Variants in ALCAM observed in about 807,000 individuals in gnomAD.
ALCAM encodes CD166 antigen.
Under a neutral mutation model 70.9 loss-of-function variants are expected in ALCAM, and 30 were observed. That is an observed-to-expected ratio of 0.42 (90% CI 0.32 to 0.57). ALCAM has a LOEUF of 0.57. Ranked by LOEUF, ALCAM falls within the 20% of genes least tolerant of loss-of-function variation. ALCAM has a pLI of 0.11. For missense variants in ALCAM, 591 were observed against 695.1 expected, an observed-to-expected ratio of 0.85 and a Z score of 1.68; for synonymous variants, 249 against 242.5, an observed-to-expected ratio of 1.03 and a Z score of -0.25.
At chr3:105,401,279 T>C (rs1205919584) in intron 1 of ALCAM, among the ~76,000 whole-genome samples, 4 of 152,222 alleles carry the variant, frequency 2.6e-5, no homozygotes, top group Admixed American at 2.0e-4. Flanking sequence ...GTCTCTGTAA[T>C]TTACGTCTAG....
intron 7 of ALCAM, among the ~76,000 whole-genome samples, chr3:105,540,672 C>A (rs1940094562): frequency 1.3e-5 from 2 of 151,974 alleles, no homozygotes. Context: ...TCATAAGGAT[C>A]TGGAAGCAGA....
intron 8 of ALCAM, among the ~76,000 whole-genome samples, chr3:105,544,125 GAC>G (rs1428780064): frequency 6.6e-6 from 1 of 151,608 alleles, no homozygotes; most frequent in African/African-American, 2.4e-5. Flanking sequence ...GTAGAACAAA[GAC>G]ACAACTCCTA....
At chr3:105,555,826 A>G (rs1940502642) in intron 14 of ALCAM, among the ~76,000 whole-genome samples, 1 of 151,966 alleles carries the variant, frequency 6.6e-6, no homozygotes, top group Non-Finnish European at 1.5e-5. Context: ...ATATTCATTT[A>G]GGAGTAAGGA....
intron 1 of ALCAM, among the ~76,000 whole-genome samples, chr3:105,423,125 T>C (rs1287588590): frequency 6.6e-6 from 1 of 151,422 alleles, no homozygotes; most frequent in African/African-American, 2.4e-5. Context: ...ATGTAGATGG[T>C]GAATCAAAGT....
At chr3:105,482,845 T>A (rs994548745) in intron 1 of ALCAM, among the ~76,000 whole-genome samples, 1 of 152,058 alleles carries the variant, frequency 6.6e-6, no homozygotes, top group African/African-American at 2.4e-5. Flanking sequence ...TCTCTGTGAG[T>A]CACTAATTTT....
At chr3:105,428,808 CAAG>C (rs1158336416) in intron 1 of ALCAM, among the ~76,000 whole-genome samples, 1 of 151,830 alleles carries the variant, frequency 6.6e-6, no homozygotes, top group Non-Finnish European at 1.5e-5. Context: ...TGAGGACATG[CAAG>C]AAAAACAATG....
chr3:105,520,818 A>T (rs1191403839), intron 2 of ALCAM, among the ~76,000 whole-genome samples: 1 of 152,172 alleles, frequency 6.6e-6, no homozygotes, highest in Admixed American at 6.5e-5. Context: ...TCTCAATTTA[A>T]TTAATCAATA....
intron 1 of ALCAM, among the ~76,000 whole-genome samples, chr3:105,518,540 A>C (rs1939441475): frequency 6.6e-6 from 1 of 152,048 alleles, no homozygotes; most frequent in African/African-American, 2.4e-5. Flanking sequence ...CCACCTGTCT[A>C]AAGCTCCTTT....
intron 2 of ALCAM, among the ~76,000 whole-genome samples, chr3:105,523,288 G>T (rs1445574008): frequency 1.3e-5 from 2 of 151,600 alleles, no homozygotes; most frequent in Non-Finnish European, 2.9e-5. Flanking sequence ...ATGAAGGAAT[G>T]ACTTAAGAAG....
At chr3:105,413,070 C>G (rs9826369) in intron 1 of ALCAM, among the ~76,000 whole-genome samples, 12,349 of 152,084 alleles carry the variant, frequency 0.081, 624 homozygotes, top group Non-Finnish European at 0.12. Context: ...CAGGTAGACC[C>G]AGTTCTAAAC....
At chr3:105,529,274 T>A (rs1939780639) in intron 3 of ALCAM, among the ~76,000 whole-genome samples, 1 of 152,216 alleles carries the variant, frequency 6.6e-6, no homozygotes, top group Non-Finnish European at 1.5e-5. Flanking sequence ...TCATTGCCCT[T>A]GACTAAATTA....
At chr3:105,494,397 T>G (rs1227174939) in intron 1 of ALCAM, among the ~76,000 whole-genome samples, 1 of 152,114 alleles carries the variant, frequency 6.6e-6, no homozygotes, top group African/African-American at 2.4e-5. Flanking sequence ...AATGAATCTT[T>G]TGTTTTATAA....
At chr3:105,497,178 T>C (rs1938769254) in intron 1 of ALCAM, among the ~76,000 whole-genome samples, 1 of 152,132 alleles carries the variant, frequency 6.6e-6, no homozygotes, top group Admixed American at 6.6e-5. Context: ...ATGAATCATT[T>C]TACTAGGAAA....
intron 1 of ALCAM, among the ~76,000 whole-genome samples, chr3:105,475,470 G>C (rs929540737): frequency 2.0e-5 from 3 of 151,916 alleles, no homozygotes; most frequent in Admixed American, 1.3e-4. Context: ...AAACTAATTT[G>C]CTGGCTATGT....
Position 105,545,288 on chromosome 3 carries a change from T to C in ALCAM, c.1057T>C (p.Ser353Pro). The change falls in exon 9 of 16, where the codon TCA becomes CCA. Residue 353 changes from serine (S) to proline (P), a missense_variant. Around this residue, in one of 2 missense-constraint regions of ALCAM, gnomAD observed 427 missense variants for 450.4 expected, o/e 0.95. Transcript: ENST00000306107. ...ACAGATTGGTGATGCCCTACCCGTG[T>C]CATGCACAATATCTGCTAGCAGGAA... ...TRQIGDALPV[S>P]CTISASRNAT... 1 of 1,609,166 alleles carries C rather than the reference T, an allele frequency of 6.2e-7. No homozygotes were observed. The highest frequency in any genetic ancestry group is 8.5e-7 in the Non-Finnish European group (1 of 1,176,368).
At chr3:105,424,877 G>A (rs74727023) in intron 1 of ALCAM, among the ~76,000 whole-genome samples, 2,021 of 151,796 alleles carry the variant, frequency 0.013, 18 homozygotes, top group Non-Finnish European at 0.019. Context: ...TTTCTGACTT[G>A]AGAGATTGGC....
chr3:105,525,931 T>C (rs1339468584), intron 3 of ALCAM, among the ~76,000 whole-genome samples: 5 of 152,258 alleles, frequency 3.3e-5, no homozygotes, highest in Non-Finnish European at 5.9e-5. Flanking sequence ...ATAGTCTGCA[T>C]CCTGCATTTG....
At chr3:105,515,778 G>A (rs996506382) in intron 1 of ALCAM, among the ~76,000 whole-genome samples, 2 of 152,058 alleles carry the variant, frequency 1.3e-5, no homozygotes, top group Non-Finnish European at 2.9e-5. Context: ...TTTCTTTAGA[G>A]TTGTACATAT....
At chr3:105,434,244 C>T (rs895144577) in intron 1 of ALCAM, among the ~76,000 whole-genome samples, 4 of 152,138 alleles carry the variant, frequency 2.6e-5, no homozygotes, top group African/African-American at 9.6e-5. Flanking sequence ...TTATTTGTCA[C>T]ATTCTGTGAT....
Sources: gnomAD v4.1 joint callset for allele counts (sites outside exome capture counted in the v4.1 genomes callset) on GRCh38, gnomAD v4.1.1 for gene constraint, gnomAD v4.1.1 regional missense constraint, MANE v1.5 for transcripts, NCBI Gene and HGNC (gene_info 2026-07-23, HGNC 2026-07-21) for gene names.